The following CNTNAP4 variants were observed in gnomAD, a reference collection of about 807,000 sequenced individuals.
The protein encoded by CNTNAP4 is contactin-associated protein-like 4.
In CNTNAP4, 98 loss-of-function variants were observed where a neutral mutation model predicts 148.4. The ratio of observed to expected loss-of-function variants is 0.66; its 90% CI spans 0.56 to 0.78. CNTNAP4 has a LOEUF of 0.78. Among genes scored for constraint, CNTNAP4 ranks in the 30% least tolerant of loss-of-function variants. The probability of loss-of-function intolerance (pLI) is 0.00; values close to 1 mark genes in which losing one functional copy is unlikely to be tolerated. For synonymous variants in CNTNAP4, 730 were observed against 565.1 expected, an observed-to-expected ratio of 1.29 and a Z score of -4.14; for missense variants, 1,935 against 1,565.6, an observed-to-expected ratio of 1.24 and a Z score of -3.98.
At chr16:76,539,612 T>C (rs761289179) in intron 19 of CNTNAP4, 107 bp from the exon 20 acceptor site, 3 of 928,460 alleles carry the variant, frequency 3.2e-6, no homozygotes, top group African/African-American at 3.5e-5. Flanking sequence ...CTTCCAATTT[T>C]TCCCTCGAAA....
At chr16:76,485,554 G>A (rs1326523538) in intron 12 of CNTNAP4, among the ~76,000 whole-genome samples, 1 of 152,200 alleles carries the variant, frequency 6.6e-6, no homozygotes, top group Non-Finnish European at 1.5e-5. Context: ...TTTTCTAAAA[G>A]TGAAAACTCT....
intron 3 of CNTNAP4, among the ~76,000 whole-genome samples, chr16:76,367,692 T>A (rs923798153): frequency 6.6e-6 from 1 of 152,200 alleles, no homozygotes; most frequent in East Asian, 1.9e-4. Flanking sequence ...GAACAACTTT[T>A]AAATATCCCA....
intron 17 of CNTNAP4, among the ~76,000 whole-genome samples, chr16:76,523,489 T>G (rs2083577400): frequency 6.6e-6 from 1 of 152,178 alleles, no homozygotes; most frequent in South Asian, 2.1e-4. Flanking sequence ...GTGGAATCCT[T>G]CTGGATGTGT....
At chr16:76,467,620 A>G in intron 10 of CNTNAP4, 97 bp downstream of exon 10, 2 of 996,048 alleles carry the variant, frequency 2.0e-6, no homozygotes, top group East Asian at 5.2e-5. Context: ...CCTCTTCCCC[A>G]TTCTTATCTG....
chr16:76,398,836 G>C (rs966473640), intron 3 of CNTNAP4, among the ~76,000 whole-genome samples: 2 of 151,930 alleles, frequency 1.3e-5, no homozygotes, highest in East Asian at 3.9e-4. Flanking sequence ...ACATATATTT[G>C]TACATATATA....
At chr16:76,490,550 A>G (rs1418251777) in intron 13 of CNTNAP4, among the ~76,000 whole-genome samples, 4 of 152,210 alleles carry the variant, frequency 2.6e-5, no homozygotes, top group Non-Finnish European at 4.4e-5. Context: ...AGTCACTGCA[A>G]GAGCTTTCCA....
intron 15 of CNTNAP4, 26 bp downstream of exon 15, chr16:76,498,720 C>G: frequency 6.4e-7 from 1 of 1,559,578 alleles, no homozygotes; most frequent in Non-Finnish European, 8.7e-7. Context: ...GTGTTGAAAC[C>G]GTATTTGAGA....
intron 3 of CNTNAP4, among the ~76,000 whole-genome samples, chr16:76,418,094 G>C (rs1478607944): frequency 4.5e-5 from 3 of 67,316 alleles, no homozygotes; most frequent in East Asian, 1.0e-3. Context: ...TTTTATTTTG[G>C]TTTTTAATCT....
chr16:76,412,770 T>C (rs1175617920), intron 3 of CNTNAP4, among the ~76,000 whole-genome samples: 2 of 151,482 alleles, frequency 1.3e-5, no homozygotes, highest in Non-Finnish European at 3.0e-5. Flanking sequence ...TTTCTTTCTA[T>C]TATAACATTT....
Position 76,372,437 on chromosome 16 carries a change from C to T in CNTNAP4, c.390+16926C>T, listed in dbSNP as rs114548725. Among the ~76,000 whole-genome samples the T allele has an allele frequency of 9.5e-3, 1,443 of 152,026 alleles. 19 individuals are homozygous for T. The highest frequency in any genetic ancestry group is 0.028 in the African/African-American group (1,161 of 41,466). On this transcript the variant is annotated intron_variant, in intron 3 of 23. Coordinates refer to ENST00000611870, the MANE Select transcript of CNTNAP4 (RefSeq NM_033401.5). ...TACTGGGATTACAGGCGTGGGCCAC[C>T]GTGCCCTGCTGGTCCCACCAAAATC...
At chr16:76,315,821 CT>C (rs1162373862) in intron 1 of CNTNAP4, among the ~76,000 whole-genome samples, 2 of 151,990 alleles carry the variant, frequency 1.3e-5, no homozygotes, top group Non-Finnish European at 2.9e-5. Context: ...TCTTGAACTC[CT>C]GACATCCAGT....
At chr16:76,298,513 TGTGTGTGTGTGTGTGTGA>T (rs1438383962) in intron 1 of CNTNAP4, among the ~76,000 whole-genome samples, 4 of 150,320 alleles carry the variant, frequency 2.7e-5, no homozygotes, top group Non-Finnish European at 5.9e-5. Context: ...TGTGTGTGTG[TGTGTGTGTGTGTGTGTGA>T]GGTAAGGGGC....
chr16:76,326,888 A>G (rs1279795070), intron 2 of CNTNAP4, among the ~76,000 whole-genome samples: 2 of 152,148 alleles, frequency 1.3e-5, no homozygotes, highest in Non-Finnish European at 2.9e-5. Flanking sequence ...AACATGGCAC[A>G]TGTATACATA....
intron 1 of CNTNAP4, among the ~76,000 whole-genome samples, chr16:76,295,060 C>T (rs1959200819): frequency 6.6e-6 from 1 of 152,148 alleles, no homozygotes; most frequent in South Asian, 2.1e-4. Context: ...CTCAGCTTTG[C>T]CACTTCCTGG....
At chr16:76,363,311 T>A (rs2013671742) in intron 3 of CNTNAP4, among the ~76,000 whole-genome samples, 1 of 151,892 alleles carries the variant, frequency 6.6e-6, no homozygotes, top group Non-Finnish European at 1.5e-5. Context: ...TACAAGTGTG[T>A]GCCACCATAC....
rs568437767 is a variant in CNTNAP4 at position 76,463,367 on chromosome 16, C to A, written c.1483+1262C>A. On this transcript the variant is annotated intron_variant, in intron 9 of 23. Transcript: ENST00000611870. ...AAATCATGAAAATAGAATCATCATTCTTCACATATTTTATGTCCTTCATGT... is the reference window on the plus strand; with the variant it reads ...AAATCATGAAAATAGAATCATCATTATTCACATATTTTATGTCCTTCATGT... 3.3e-5 allele frequency among the ~76,000 whole-genome samples: 5 copies of A among 152,066 alleles called. No individual in the cohort carries two copies. In the South Asian group the frequency reaches 1.0e-3, roughly 32 times the overall value.
intron 3 of CNTNAP4, among the ~76,000 whole-genome samples, chr16:76,404,519 A>T (rs2078534141): frequency 6.6e-6 from 1 of 152,110 alleles, no homozygotes; most frequent in South Asian, 2.1e-4. Flanking sequence ...ACATCATTCT[A>T]CTTCTTAAGT....
At chr16:76,363,429 T>C (rs2013688613) in intron 3 of CNTNAP4, among the ~76,000 whole-genome samples, 4 of 152,030 alleles carry the variant, frequency 2.6e-5, no homozygotes, top group Admixed American at 2.6e-4. Context: ...CCCAAAGTGC[T>C]GAGATTACAG....
At chr16:76,298,491 T>TGTGC (rs903742484) in intron 1 of CNTNAP4, among the ~76,000 whole-genome samples, 1 of 109,800 alleles carries the variant, frequency 9.1e-6, no homozygotes, top group African/African-American at 4.0e-5. Flanking sequence ...CATGTATGTG[T>TGTGC]GTGTGTGTGT....
Sources: allele counts gnomAD v4.1 joint callset (sites outside exome capture counted in the v4.1 genomes callset), GRCh38; gene constraint gnomAD v4.1.1; transcripts MANE v1.5; gene names NCBI Gene and HGNC (gene_info 2026-07-23, HGNC 2026-07-21).